Variants in PLPP4 observed in about 807,000 individuals in gnomAD.
PLPP4 encodes diacylglycerol pyrophosphate like 2.
PLPP4 carries 20 observed loss-of-function variants against 32.2 expected under a neutral mutation model. The ratio of observed to expected loss-of-function variants is 0.62; its 90% confidence interval spans 0.44 to 0.90. The LOEUF (loss-of-function observed/expected upper bound fraction) is 0.90, where lower values mean the gene tolerates loss of function less well. PLPP4 is among the 40% of genes least tolerant of loss of function. The pLI is 0.00. For missense variants in PLPP4, 257 were observed against 353.1 expected (o/e 0.73, Z 2.18); for synonymous variants, 127 against 133.0 (o/e 0.95, Z 0.31).
At chr10:120,462,048 C>G (rs1848074601) in intron 1 of PLPP4, among the ~76,000 whole-genome samples, 1 of 152,166 alleles carries the variant, frequency 6.6e-6, no homozygotes, top group Non-Finnish European at 1.5e-5. Context: ...GAGCAAGGTG[C>G]TAGGTTTCAC....
chr10:120,552,165 G>GGTGGGT (rs1847932926), intron 5 of PLPP4, among the ~76,000 whole-genome samples: 1 of 138,634 alleles, frequency 7.2e-6, no homozygotes, highest in South Asian at 2.5e-4. Context: ...GTGGTGGTGG[G>GGTGGGT]GTGTGTGTGT....
chr10:120,512,626 A>G (rs1845773277), intron 2 of PLPP4, among the ~76,000 whole-genome samples: 1 of 152,132 alleles, frequency 6.6e-6, no homozygotes, highest in Non-Finnish European at 1.5e-5. Context: ...GCTCTTGGCC[A>G]ACATGGTGAG....
chr10:120,575,634 A>G (rs185278266), intron 6 of PLPP4, among the ~76,000 whole-genome samples: 1 of 152,220 alleles, frequency 6.6e-6, no homozygotes, highest in East Asian at 1.9e-4. Context: ...CTCAGTCCTC[A>G]GAGTTGGTGC....
intron 1 of PLPP4, among the ~76,000 whole-genome samples, chr10:120,460,789 G>A (rs573476881): frequency 6.6e-6 from 1 of 152,276 alleles, no homozygotes; most frequent in East Asian, 1.9e-4. Flanking sequence ...TATTCCATGT[G>A]ATTTCTCTTT....
At chr10:120,485,291 G>A (rs1844393955) in intron 1 of PLPP4, among the ~76,000 whole-genome samples, 1 of 152,228 alleles carries the variant, frequency 6.6e-6, no homozygotes, top group African/African-American at 2.4e-5. Flanking sequence ...GGGTCCAAGT[G>A]CCTGGCACAG....
chr10:120,492,104 G>A (rs752576484), intron 1 of PLPP4, among the ~76,000 whole-genome samples: 34 of 152,136 alleles, frequency 2.2e-4, no homozygotes, highest in Non-Finnish European at 4.0e-4. Flanking sequence ...TCCTAACAGA[G>A]TGCTCTGCCC....
chr10:120,565,853 T>A lies in PLPP4; in HGVS notation c.446-9278T>A, dbSNP rs375906129. Among the ~76,000 whole-genome samples the A allele has an allele frequency of 2.0e-5, 3 of 152,134 alleles. No individual in the cohort carries two copies. The East Asian group carries it at 5.8e-4, about 29-fold the overall frequency. ...CACCACATCATCCATGTCACTTATCTTTCCTTCATTATTTTTCATATGTCT... is the reference window on the plus strand; with the variant it reads ...CACCACATCATCCATGTCACTTATCATTCCTTCATTATTTTTCATATGTCT... On this transcript the variant is annotated intron_variant, in intron 5 of 6. Transcript: ENST00000398250.
At chr10:120,529,634 G>A (rs775246952) in intron 5 of PLPP4, among the ~76,000 whole-genome samples, 2 of 152,060 alleles carry the variant, frequency 1.3e-5, no homozygotes, top group East Asian at 3.9e-4. Flanking sequence ...ACCACTTTAG[G>A]CCAGGAGTTC....
intron 5 of PLPP4, among the ~76,000 whole-genome samples, chr10:120,524,222 C>G (rs1239330122): frequency 6.6e-6 from 1 of 152,062 alleles, no homozygotes; most frequent in Non-Finnish European, 1.5e-5. Context: ...GAAGGGAGTG[C>G]CATAACCACT....
At chr10:120,470,162 A>T (rs1313795118) in intron 1 of PLPP4, among the ~76,000 whole-genome samples, 1 of 152,206 alleles carries the variant, frequency 6.6e-6, no homozygotes, top group African/African-American at 2.4e-5. Context: ...ATGGCCTGGA[A>T]TGTAACATTT....
At chr10:120,543,645 A>G (rs1230289234) in intron 5 of PLPP4, among the ~76,000 whole-genome samples, 1 of 152,178 alleles carries the variant, frequency 6.6e-6, no homozygotes, top group African/African-American at 2.4e-5. Context: ...CATCTTAGCC[A>G]TTTTTAAGTG....
chr10:120,563,276 T>C (rs1848518595), intron 5 of PLPP4, among the ~76,000 whole-genome samples: 2 of 152,050 alleles, frequency 1.3e-5, no homozygotes, highest in East Asian at 1.9e-4. Context: ...ACAAAAAAGA[T>C]GTAAAGATAC....
chr10:120,585,025 T>C (rs1258161223), intron 6 of PLPP4, among the ~76,000 whole-genome samples: 4 of 152,234 alleles, frequency 2.6e-5, no homozygotes, highest in Non-Finnish European at 5.9e-5. Flanking sequence ...GAAAATAGAA[T>C]GTTGAATGGT....
Position 120,555,096 on chromosome 10 carries a change from G to T in PLPP4, c.446-20035G>T, listed in dbSNP as rs1021902845. Among the ~76,000 whole-genome samples the T allele has an allele frequency of 4.5e-4, 68 of 151,966 alleles. 1 individual carries two copies. Among genetic ancestry groups the T allele is most frequent in the Admixed American group, 4.6e-4 (7 of 15,254 alleles). On this transcript the variant is annotated intron_variant, in intron 5 of 6. Coordinates refer to ENST00000398250, the MANE Select transcript of PLPP4 (RefSeq NM_001030059.3). ...CAGCGAGTGGCAAATGTGGGGGGTGGGGGTGGAAGAGAGTGGGGAAAATAC... is the reference window on the plus strand; with the variant it reads ...CAGCGAGTGGCAAATGTGGGGGGTGTGGGTGGAAGAGAGTGGGGAAAATAC...
intron 5 of PLPP4, among the ~76,000 whole-genome samples, chr10:120,545,922 A>G (rs1000046609): frequency 5.3e-5 from 8 of 152,322 alleles, no homozygotes; most frequent in Non-Finnish European, 1.2e-4. Context: ...AAGCAGGCAG[A>G]TGAACGTGGA....
intron 5 of PLPP4, among the ~76,000 whole-genome samples, chr10:120,528,235 C>CCT (rs1846517713): frequency 6.6e-6 from 1 of 152,034 alleles, no homozygotes; most frequent in East Asian, 1.9e-4. Flanking sequence ...CCACCATGCT[C>CCT]GGCTAATTTT....
intron 1 of PLPP4, among the ~76,000 whole-genome samples, chr10:120,470,373 C>T (rs1418639868): frequency 6.6e-6 from 1 of 152,076 alleles, no homozygotes; most frequent in Non-Finnish European, 1.5e-5. Context: ...AAATATTCTT[C>T]CATGTCTATG....
intron 1 of PLPP4, among the ~76,000 whole-genome samples, chr10:120,499,639 G>A (rs530095322): frequency 8.5e-5 from 13 of 152,206 alleles, no homozygotes; most frequent in Non-Finnish European, 1.5e-4. Context: ...TCTACAGATC[G>A]GCAGCGTGGG....
At chr10:120,569,729 C>T (rs569055294) in intron 5 of PLPP4, among the ~76,000 whole-genome samples, 14 of 152,220 alleles carry the variant, frequency 9.2e-5, no homozygotes, top group Non-Finnish European at 1.9e-4. Flanking sequence ...TGCCAGAATC[C>T]TTAATAGGGT....
Sources: gnomAD v4.1 joint callset for allele counts (sites outside exome capture counted in the v4.1 genomes callset) on GRCh38, gnomAD v4.1.1 for gene constraint, MANE v1.5 for transcripts, NCBI Gene and HGNC (gene_info 2026-07-23, HGNC 2026-07-21) for gene names.